TSHZ2: variants seen among roughly 807,000 people sequenced by gnomAD.
TSHZ2 encodes the protein teashirt zinc finger homeobox 2, also known as teashirt homolog 2.
Under a neutral mutation model 74.4 loss-of-function variants are expected in TSHZ2, and 21 were observed. The observed-to-expected ratio is 0.28, with a 90% CI of 0.20 to 0.41. TSHZ2 has a LOEUF of 0.41. TSHZ2 is among the 10% of genes least tolerant of loss of function. TSHZ2 has a pLI of 1.00. For synonymous variants in TSHZ2, 540 were observed against 515.3 expected (o/e 1.05, Z -0.65); for missense variants, 1,244 against 1,293.5 (o/e 0.96, Z 0.59).
chr20:53,303,205 C>G (rs73276320), intron 2 of TSHZ2, among the ~76,000 whole-genome samples: 1 of 152,156 alleles, frequency 6.6e-6, no homozygotes, highest in African/African-American at 2.4e-5. Context: ...ACTTTAGACA[C>G]CCCCCAAGAC....
At chr20:53,109,071 C>T (rs1986458147) in intron 1 of TSHZ2, among the ~76,000 whole-genome samples, 1 of 152,086 alleles carries the variant, frequency 6.6e-6, no homozygotes, top group African/African-American at 2.4e-5. Context: ...CCTGACTTCT[C>T]CTCTCCTGAC....
At chr20:53,471,694 T>C (rs746401620) in intron 2 of TSHZ2, among the ~76,000 whole-genome samples, 13 of 151,538 alleles carry the variant, frequency 8.6e-5, no homozygotes, top group Non-Finnish European at 1.8e-4. Flanking sequence ...TTGGTATATA[T>C]CAAGTGGCAG....
chr20:53,072,670 A>C (rs13040706), intron 1 of TSHZ2, among the ~76,000 whole-genome samples: 1 of 152,100 alleles, frequency 6.6e-6, no homozygotes, highest in Non-Finnish European at 1.5e-5. Context: ...TCTCCTTCTC[A>C]TTTGGGTGTT....
At chr20:53,081,711 G>C (rs183088127) in intron 1 of TSHZ2, among the ~76,000 whole-genome samples, 1 of 152,196 alleles carries the variant, frequency 6.6e-6, no homozygotes, top group Non-Finnish European at 1.5e-5. Context: ...CGGTGCTACT[G>C]TTTGTATTAG....
Position 53,321,083 on chromosome 20 carries a change from TG to T in TSHZ2, c.*8+64513del, listed in dbSNP as rs772055537. The stretch of plus-strand genomic sequence containing the variant: ...CCAACAACATGCATTCCACAATTTT[TG>T]TGGAGCAACCACAATACACCATCAC... On this transcript the variant is annotated intron_variant, in intron 2 of 2. Coordinates refer to ENST00000371497, the MANE Select transcript of TSHZ2 (RefSeq NM_173485.6). 2.0e-5 allele frequency among the ~76,000 whole-genome samples: 3 copies of T among 152,232 alleles called. No homozygotes were observed. The East Asian group carries it at 5.8e-4, about 29-fold the overall frequency.
rs534564154 is a variant in TSHZ2 at position 53,154,477 on chromosome 20, C to T, written c.41-99022C>T. Among the ~76,000 whole-genome samples the T allele has an allele frequency of 4.6e-5, 7 of 152,306 alleles. 1 individual carries two copies. In the East Asian group the frequency reaches 1.3e-3, roughly 29 times the overall value. ...ATAGCAAGAACTGTGACCTTCCATG[C>T]ACAACCACTGCGGGTGCCCTCTCTT... is the stretch of plus-strand genomic sequence containing the variant. On this transcript the variant is annotated intron_variant, in intron 1 of 2. Transcript: ENST00000371497.
Position 53,003,255 on chromosome 20 carries a change from GGTGTGTGT to G in TSHZ2, c.40+29956_40+29963del, listed in dbSNP as rs11468763. On this transcript the variant is annotated intron_variant, in intron 1 of 2. Transcript: ENST00000371497. ...CAGCCTCCTGTTTTTCTCCAGGGAT[GGTGTGTGT>G]GTGTGTGTGTGTGTGTGTGTGTGTG... is the stretch of plus-strand genomic sequence containing the variant. 4.5e-3 allele frequency among the ~76,000 whole-genome samples: 628 copies of G among 139,588 alleles called. 5 individuals carry two copies. Among genetic ancestry groups the G allele is most frequent in the East Asian group, 5.9e-3 (27 of 4,606 alleles). The allele number at this position is 139,588 out of a possible 152,430, so 91.6% of individuals were successfully genotyped here.
chr20:53,262,928 G>C (rs1423492320), intron 2 of TSHZ2, among the ~76,000 whole-genome samples: 1 of 152,206 alleles, frequency 6.6e-6, no homozygotes, highest in Admixed American at 6.5e-5. Flanking sequence ...ACAGAACTCT[G>C]TGTAGCTGTT....
chr20:52,981,742 C>T (rs1431826003), intron 1 of TSHZ2, among the ~76,000 whole-genome samples: 1 of 152,168 alleles, frequency 6.6e-6, no homozygotes, highest in Non-Finnish European at 1.5e-5. Context: ...GTTTCTTTCC[C>T]AAGAAATAGA....
chr20:53,073,114 A>G (rs1220932155), intron 1 of TSHZ2, among the ~76,000 whole-genome samples: 1 of 143,644 alleles, frequency 7.0e-6, no homozygotes, highest in Admixed American at 7.0e-5. Flanking sequence ...CCATCCCTCC[A>G]TTCATCCATT....
Position 53,138,332 on chromosome 20 carries a change from A to C in TSHZ2, c.41-115167A>C, listed in dbSNP as rs561941683. 5.7e-4 allele frequency among the ~76,000 whole-genome samples: 87 copies of C among 151,852 alleles called. 2 individuals carry two copies. The South Asian group carries it at 0.017, about 29-fold the overall frequency. ...CCAGGAGGCTGAGCTTGCAGTGAGC[A>C]GAGATCAAGCCGCTGCACTCCAGCC... On this transcript the variant is annotated intron_variant, in intron 1 of 2. Transcript: ENST00000371497.
chr20:53,342,210 T>C (rs1980233822), intron 2 of TSHZ2, among the ~76,000 whole-genome samples: 7 of 152,072 alleles, frequency 4.6e-5, no homozygotes, highest in Admixed American at 4.6e-4. Flanking sequence ...TGCGTCATTT[T>C]CCTGCTCCAG....
chr20:53,052,120 A>G (rs990121052), intron 1 of TSHZ2, among the ~76,000 whole-genome samples: 5 of 152,136 alleles, frequency 3.3e-5, no homozygotes, highest in Admixed American at 1.3e-4. Flanking sequence ...ATACCCATCA[A>G]ATGACAACTC....
chr20:53,064,936 C>T (rs1340767084), intron 1 of TSHZ2, among the ~76,000 whole-genome samples: 1 of 152,198 alleles, frequency 6.6e-6, no homozygotes, highest in East Asian at 1.9e-4. Context: ...TAATAATAAG[C>T]CTCTCTGACT....
intron 1 of TSHZ2, among the ~76,000 whole-genome samples, chr20:53,020,806 C>T (rs1254572723): frequency 6.6e-6 from 1 of 152,196 alleles, no homozygotes; most frequent in African/African-American, 2.4e-5. Flanking sequence ...TGCTGTATCT[C>T]TGTCTTCTAC....
intron 2 of TSHZ2, among the ~76,000 whole-genome samples, chr20:53,267,613 G>A (rs1990747244): frequency 1.3e-5 from 2 of 152,164 alleles, no homozygotes; most frequent in Admixed American, 1.3e-4. Flanking sequence ...CATGACTCTT[G>A]TAGTCATGTC....
chr20:53,033,379 T>C, intron 1 of TSHZ2, among the ~76,000 whole-genome samples: 1 of 152,156 alleles, frequency 6.6e-6, no homozygotes, highest in East Asian at 1.9e-4. Context: ...ATGTGTGATG[T>C]GAAAAGAGGA....
intron 2 of TSHZ2, among the ~76,000 whole-genome samples, chr20:53,270,672 A>C (rs575511983): frequency 5.3e-4 from 80 of 151,982 alleles, no homozygotes; most frequent in Non-Finnish European, 4.1e-4. Flanking sequence ...CCTCCCCCCC[A>C]AAAAAAGCTT....
intron 1 of TSHZ2, among the ~76,000 whole-genome samples, chr20:53,003,588 A>T (rs1982524799): frequency 6.6e-6 from 1 of 152,194 alleles, no homozygotes; most frequent in Non-Finnish European, 1.5e-5. Context: ...CACATTCATC[A>T]GTGGCTTAAT....
Sources: gnomAD v4.1 joint callset for allele counts (sites outside exome capture counted in the v4.1 genomes callset) on GRCh38, gnomAD v4.1.1 for gene constraint, MANE v1.5 for transcripts, NCBI Gene and HGNC (gene_info 2026-07-23, HGNC 2026-07-21) for gene names.